TRIM55: variants seen among roughly 807,000 people sequenced by gnomAD.
TRIM55 encodes the protein tripartite motif containing 55, also known as tripartite motif-containing protein 55.
TRIM55 carries 50 observed loss-of-function variants against 60.9 expected under a neutral mutation model. The observed-to-expected ratio is 0.82, with a 90% confidence interval of 0.65 to 1.04. The LOEUF (loss-of-function observed/expected upper bound fraction) is 1.04, where lower values mean the gene tolerates loss of function less well. Ranked by LOEUF, TRIM55 falls within the 50% of genes least tolerant of loss-of-function variation. The pLI, the probability that TRIM55 is intolerant of heterozygous loss-of-function variation, is 0.00. For synonymous variants in TRIM55, 237 were observed against 238.1 expected, an observed-to-expected ratio of 1.00 and a Z score of 0.04; for missense variants, 681 against 666.9, an observed-to-expected ratio of 1.02 and a Z score of -0.23.
chr8:66,154,368 C>T (rs371117115), intron 9 of TRIM55, 34 bp downstream of exon 9: 11 of 1,602,132 alleles, frequency 6.9e-6, no homozygotes, highest in Admixed American at 1.7e-5. Flanking sequence ...TATGCTTTCC[C>T]GCGCCCCCTA....
intron 4 of TRIM55, among the ~76,000 whole-genome samples, chr8:66,147,457 A>G (rs1810153547): frequency 6.6e-6 from 1 of 152,156 alleles, no homozygotes; most frequent in East Asian, 1.9e-4. Flanking sequence ...CTGACTCCAT[A>G]CTGAGAATAG....
At chr8:66,113,929 G>A in the TRIM55 span, among the ~76,000 whole-genome samples, 17 of 149,218 alleles carry the variant, frequency 1.1e-4, no homozygotes, top group African/African-American at 5.1e-5. Flanking sequence ...AAAACACGAA[G>A]CCTAAAAATG....
chr8:66,114,222 AGCATGCGAGAGGTAGCGGGATCGATGCCC>A, the TRIM55 span, among the ~76,000 whole-genome samples: 1 of 152,056 alleles, frequency 6.6e-6, no homozygotes, highest in Non-Finnish European at 1.5e-5. Flanking sequence ...GCGCTCGCTT[AGCATGCGAGAGGTAGCGGGATCGATGCCC>A]GCATCCTCCA....
At chr8:66,119,085 T>G in the TRIM55 span, among the ~76,000 whole-genome samples, 1 of 152,246 alleles carries the variant, frequency 6.6e-6, no homozygotes, top group African/African-American at 2.4e-5. Context: ...CTTGGTCCAC[T>G]GGTGCCCTAG....
At chr8:66,144,069 C>T (rs1809971966) in intron 4 of TRIM55, among the ~76,000 whole-genome samples, 1 of 152,110 alleles carries the variant, frequency 6.6e-6, no homozygotes, top group Non-Finnish European at 1.5e-5. Context: ...TTTCTTATTA[C>T]TACTAAAATA....
the TRIM55 span, among the ~76,000 whole-genome samples, chr8:66,120,119 GATA>G: frequency 6.6e-6 from 1 of 152,128 alleles, no homozygotes. Flanking sequence ...ACTCAGTGGA[GATA>G]ATAATACCTG....
intron 4 of TRIM55, among the ~76,000 whole-genome samples, chr8:66,137,965 T>C (rs1809582651): frequency 6.6e-6 from 1 of 152,146 alleles, no homozygotes; most frequent in Non-Finnish European, 1.5e-5. Flanking sequence ...GAATTGAAAA[T>C]TCACTGACTA....
At chr8:66,165,222 C>G (rs760229497) in intron 9 of TRIM55, among the ~76,000 whole-genome samples, 4 of 152,086 alleles carry the variant, frequency 2.6e-5, no homozygotes, top group Non-Finnish European at 5.9e-5. Flanking sequence ...TTGTGAGCCC[C>G]GCATCTCTAC....
chr8:66,158,362 T>C (rs1337220629), intron 9 of TRIM55, among the ~76,000 whole-genome samples: 3 of 152,190 alleles, frequency 2.0e-5, no homozygotes, highest in Non-Finnish European at 2.9e-5. Context: ...ATTTGTTGTT[T>C]CAAAAATATC....
chr8:66,128,762 A>C (rs151080091), intron 2 of TRIM55, among the ~76,000 whole-genome samples: 120 of 152,170 alleles, frequency 7.9e-4, no homozygotes, highest in African/African-American at 2.8e-3. Flanking sequence ...GTCCCCCTCC[A>C]CCTTAAAGCC....
chr8:66,139,146 G>A (rs898023357), intron 4 of TRIM55, among the ~76,000 whole-genome samples: 2 of 152,114 alleles, frequency 1.3e-5, no homozygotes, highest in African/African-American at 2.4e-5. Context: ...TACAGTAAAG[G>A]CAAAATACAA....
intron 4 of TRIM55, among the ~76,000 whole-genome samples, chr8:66,147,017 A>G (rs1470217997): frequency 1.3e-5 from 2 of 152,036 alleles, no homozygotes; most frequent in Non-Finnish European, 2.9e-5. Context: ...GGCTCCCCTC[A>G]AAGTTCCTCC....
At chr8:66,153,788 C>T (rs1272371530) in intron 8 of TRIM55, among the ~76,000 whole-genome samples, 3 of 152,120 alleles carry the variant, frequency 2.0e-5, no homozygotes, top group Admixed American at 6.5e-5. Context: ...CTGCTCTCTG[C>T]CTGCCTGGGC....
At chr8:66,127,895 A>G (rs74531725) in intron 1 of TRIM55, among the ~76,000 whole-genome samples, 4,336 of 152,316 alleles carry the variant, frequency 0.028, 80 homozygotes, top group Non-Finnish European at 0.045. Flanking sequence ...TTCAAGAAAA[A>G]CACGTTTCTT....
At position 66,140,949 on chromosome 8, in the gene TRIM55, G is replaced by A. The variant is rs1254435995; in HGVS notation, c.603+3759G>A. Among the ~76,000 whole-genome samples, 5 of 152,288 alleles carry A rather than the reference G, an allele frequency of 3.3e-5. No individual in the cohort carries two copies. The South Asian group carries it at 1.0e-3, about 32-fold the overall frequency. On this transcript the variant is annotated intron_variant, in intron 4 of 9. Transcript: ENST00000315962. Reference sequence around the variant, plus strand: ...GATGGGAAATGAAGTAGTCCCTGGGGTGGGTATTATCCTTCCATAATTACA... The same window carrying A: ...GATGGGAAATGAAGTAGTCCCTGGGATGGGTATTATCCTTCCATAATTACA...
intron 4 of TRIM55, among the ~76,000 whole-genome samples, chr8:66,144,518 T>C (rs1390798226): frequency 1.3e-5 from 2 of 152,196 alleles, no homozygotes; most frequent in African/African-American, 4.8e-5. Flanking sequence ...CAATACCTAC[T>C]TCATTTATGG....
chr8:66,150,834 T>C (rs1810381022), intron 7 of TRIM55, among the ~76,000 whole-genome samples: 1 of 152,192 alleles, frequency 6.6e-6, no homozygotes, highest in South Asian at 2.1e-4. Context: ...ACCCGGCTAA[T>C]TTTTGAATTA....
At chr8:66,146,506 C>G (rs1252197893) in intron 4 of TRIM55, among the ~76,000 whole-genome samples, 1 of 152,114 alleles carries the variant, frequency 6.6e-6, no homozygotes, top group Non-Finnish European at 1.5e-5. Flanking sequence ...CATATTAAAT[C>G]ACATAGGAGA....
chr8:66,174,034 T>C (rs1811784929), intron 9 of TRIM55, among the ~76,000 whole-genome samples: 1 of 152,174 alleles, frequency 6.6e-6, no homozygotes, highest in Non-Finnish European at 1.5e-5. Flanking sequence ...ATTATATTAA[T>C]ATGTCCCACA....
Sources: allele counts gnomAD v4.1 joint callset (sites outside exome capture counted in the v4.1 genomes callset), GRCh38; gene constraint gnomAD v4.1.1; transcripts MANE v1.5; gene names NCBI Gene and HGNC (gene_info 2026-07-23, HGNC 2026-07-21).